The following USP38 variants were observed in gnomAD, a reference collection of about 807,000 sequenced individuals.
USP38 encodes ubiquitin specific peptidase 38, also known as ubiquitin carboxyl-terminal hydrolase 38.
In USP38, 49 loss-of-function variants were observed where a neutral mutation model predicts 94.3. That is an observed-to-expected ratio of 0.52 (90% CI 0.41 to 0.66). The LOEUF is 0.66. USP38 is among the 30% of genes least tolerant of loss of function. The probability of loss-of-function intolerance (pLI) is 0.00; values close to 1 mark genes in which losing one functional copy is unlikely to be tolerated. For missense variants in USP38, 1,128 were observed against 1,229.4 expected, an observed-to-expected ratio of 0.92 and a Z score of 1.23; for synonymous variants, 468 against 463.6, an observed-to-expected ratio of 1.01 and a Z score of -0.12.
rs1679111078 is a variant in USP38, at chr4:143,220,584, G to C, written c.*128G>C. ...CTTATACTTCAAGAGAACACACTCA[G>C]TGCTTGTTTTTATTTTCTTGACACA... On this transcript the variant is annotated 3_prime_UTR_variant, in exon 10 of 10. Coordinates refer to ENST00000307017, the MANE Select transcript of USP38 (RefSeq NM_032557.6). 2 of 924,820 alleles carry C rather than the reference G, an allele frequency of 2.2e-6. No individual in the cohort carries two copies. Among genetic ancestry groups the C allele is most frequent in the South Asian group, 5.0e-5 (1 of 19,942 alleles). The allele number at this position is 924,820 out of a possible 1,614,324, so 57.3% of individuals were successfully genotyped here. A position where few individuals can be genotyped will look rare whatever the true frequency, so the allele number is the denominator to read the frequency against.
At chr4:143,216,282 T>C (rs939536816) in intron 9 of USP38, among the ~76,000 whole-genome samples, 8 of 152,164 alleles carry the variant, frequency 5.3e-5, no homozygotes, top group African/African-American at 1.9e-4. Flanking sequence ...TTATGTATTT[T>C]GTTAATTCAG....
At chr4:143,193,115 A>G (rs1297389976) in intron 2 of USP38, among the ~76,000 whole-genome samples, 1 of 152,180 alleles carries the variant, frequency 6.6e-6, no homozygotes, top group Non-Finnish European at 1.5e-5. Flanking sequence ...GTGCTCACAC[A>G]TACCCTGCCT....
At chr4:143,218,657 G>A (rs1206712183) in intron 9 of USP38, among the ~76,000 whole-genome samples, 4 of 151,962 alleles carry the variant, frequency 2.6e-5, no homozygotes, top group Non-Finnish European at 5.9e-5. Flanking sequence ...TATGTCATTC[G>A]ACATAGTTTC....
intron 9 of USP38, among the ~76,000 whole-genome samples, chr4:143,219,368 T>G (rs1226118909): frequency 2.0e-5 from 3 of 152,098 alleles, no homozygotes; most frequent in Non-Finnish European, 4.4e-5. Context: ...GAGGGAAGAA[T>G]AATAAACTAA....
intron 7 of USP38, among the ~76,000 whole-genome samples, chr4:143,210,454 G>T (rs1218730558): frequency 6.6e-6 from 1 of 152,058 alleles, no homozygotes; most frequent in Non-Finnish European, 1.5e-5. Flanking sequence ...AGGCATGGTG[G>T]CACACGCCTG....
At position 143,185,170 on chromosome 4, in the gene USP38, G is replaced by T. The variant is rs1731171900; in HGVS notation, c.-281G>T. ...GGCCCCTCGGCGCTGATGCTGAGTGGGATCGAGGGCCCGGGGCGGCGGCGG... is the reference window on the plus strand; with the variant it reads ...GGCCCCTCGGCGCTGATGCTGAGTGTGATCGAGGGCCCGGGGCGGCGGCGG... On this transcript the variant is annotated 5_prime_UTR_variant, in exon 1 of 10. Coordinates refer to ENST00000307017, the MANE Select transcript of USP38 (RefSeq NM_032557.6). 1 of 334,028 alleles carries T rather than the reference G, an allele frequency of 3.0e-6. No individual in the cohort carries two copies. Among genetic ancestry groups the T allele is most frequent in the East Asian group, 5.8e-5 (1 of 17,160 alleles). The allele number at this position is 334,028 out of a possible 1,614,324, so 20.7% of individuals were successfully genotyped here. A position where few individuals can be genotyped will look rare whatever the true frequency, so the allele number is the denominator to read the frequency against.
intron 2 of USP38, among the ~76,000 whole-genome samples, chr4:143,191,087 C>G (rs906388645): frequency 2.0e-5 from 3 of 152,080 alleles, no homozygotes; most frequent in Admixed American, 6.5e-5. Context: ...AGTAATTACT[C>G]TTATACAGAA....
At chr4:143,204,314 A>G (rs959246769) in intron 5 of USP38, 10 of 437,988 alleles carry the variant, frequency 2.3e-5, no homozygotes, top group Admixed American at 1.3e-4. Context: ...TGGACTGTTC[A>G]TCAATGTTTC....
At position 143,214,003 on chromosome 4, in the gene USP38, A is replaced by G; in HGVS notation, c.2027A>G (p.Lys676Arg). Reference sequence around the variant, plus strand: ...ATCTGTGACTCACTTGTGAATGAAAAAACCATAGGCAGTCCTCCTAATGAG... The same window carrying G: ...ATCTGTGACTCACTTGTGAATGAAAGAACCATAGGCAGTCCTCCTAATGAG... ...AFICDSLVNE[K>R]TIGSPPNEFY... Residue 676 changes from lysine (K) to arginine (R), a missense_variant, in exon 9 of 10, where the codon AAA (lysine) becomes AGA (arginine). Physicochemically the swap from Lys to Arg is conservative, Grantham distance 26. Transcript: ENST00000307017. 6.2e-7 allele frequency: 1 copy of G among 1,613,596 alleles called. No homozygotes were observed. The highest frequency in any genetic ancestry group is 8.5e-7 in the Non-Finnish European group (1 of 1,179,834).
Position 143,214,039 on chromosome 4 carries a change from C to T in USP38, c.2063C>T (p.Ser688Phe), listed in dbSNP as rs1176416570. Residue 688 changes from serine (S) to phenylalanine (F), a missense_variant, in exon 9 of 10, where the codon TCT becomes TTT. Ser to Phe is a radical substitution (Grantham distance 155). Transcript: ENST00000307017. ...AGTCCTCCTAATGAGTTTTACTGTT[C>T]TGAAAACACTTCTGTCCCTAACGAA... ...IGSPPNEFYC[S>F]ENTSVPNESN... The T allele has an allele frequency of 6.2e-7, 1 of 1,613,574 alleles. No individual in the cohort carries two copies. Among genetic ancestry groups the T allele is most frequent in the Non-Finnish European group, 8.5e-7 (1 of 1,179,824 alleles).
Position 143,220,812 on chromosome 4 carries a change from TTATA to T in USP38, c.*357_*360del, listed in dbSNP as rs765418552. The T allele has an allele frequency of 5.3e-4, 84 of 158,608 alleles. 1 individual carries two copies. Among genetic ancestry groups the T allele is most frequent in the Middle Eastern group, 6.2e-3 (2 of 322 alleles). The allele number at this position is 158,608 out of a possible 1,614,324, so 9.8% of individuals were successfully genotyped here. Reference sequence around the variant, plus strand: ...AAAAATGTAATTTATTTAGCATTCTTTATAAAAGAATTGATGCTAGAGGTAAAAA... The same window carrying T: ...AAAAATGTAATTTATTTAGCATTCTTAAAGAATTGATGCTAGAGGTAAAAA... On this transcript the variant is annotated 3_prime_UTR_variant, in exon 10 of 10. Coordinates refer to ENST00000307017, the MANE Select transcript of USP38 (RefSeq NM_032557.6).
chr4:143,202,139 C>T (rs535412389), intron 4 of USP38, among the ~76,000 whole-genome samples: 2 of 152,096 alleles, frequency 1.3e-5, no homozygotes, highest in African/African-American at 2.4e-5. Flanking sequence ...TGGCTTTATG[C>T]GACAGAAGTA....
intron 4 of USP38, among the ~76,000 whole-genome samples, chr4:143,201,755 C>G (rs1347399463): frequency 2.6e-5 from 4 of 152,094 alleles, no homozygotes; most frequent in Non-Finnish European, 1.5e-5. Context: ...AAAATCAAAG[C>G]TTCTAATTAA....
At chr4:143,186,698 A>T (rs1269381587) in intron 1 of USP38, among the ~76,000 whole-genome samples, 1 of 152,200 alleles carries the variant, frequency 6.6e-6, no homozygotes, top group East Asian at 1.9e-4. Context: ...AAGGAAGAGT[A>T]CGAGGATTTA....
chr4:143,214,849 A>G lies in USP38; in HGVS notation c.2873A>G (p.Asn958Ser), dbSNP rs761673565. The stretch of plus-strand genomic sequence containing the variant: ...CATAGTACTAATGGTTTAAGTGGTA[A>G]TAACCCAACCAGTGGACTCTGGATA... ...KQHSTNGLSG[N>S]NPTSGLWING... The change falls in exon 9 of 10, where the codon AAT (asparagine) becomes AGT (serine). Residue 958 changes from asparagine to serine, a missense_variant. By Grantham distance (46) the Asn-to-Ser change is conservative (BLOSUM62 1). Transcript: ENST00000307017. 6.2e-6 allele frequency: 10 copies of G among 1,613,552 alleles called. No individual in the cohort carries two copies. The highest frequency in any genetic ancestry group is 2.2e-5 in the East Asian group (1 of 44,860).
At chr4:143,205,188 C>T (rs747148530) in intron 5 of USP38, among the ~76,000 whole-genome samples, 4 of 152,096 alleles carry the variant, frequency 2.6e-5, no homozygotes, top group Non-Finnish European at 4.4e-5. Context: ...CTCATATAGG[C>T]TCAGAAGAAA....
In USP38 at chr4:143,196,034, G is replaced by A. The variant is rs1043022378; in HGVS notation, c.948+189G>A. On this transcript the variant is annotated intron_variant, in intron 3 of 9. Coordinates refer to ENST00000307017, the MANE Select transcript of USP38 (RefSeq NM_032557.6). ...AAATATAAGTAATTAGGTTGGGCAT[G>A]GTTGCTCACAACTGTAATCCCAGCA... Among the ~76,000 whole-genome samples, 10 of 152,066 alleles carry A rather than the reference G, an allele frequency of 6.6e-5. 1 individual carries two copies. Among genetic ancestry groups the A allele is most frequent in the Admixed American group, 5.2e-4 (8 of 15,270 alleles).
At chr4:143,217,958 C>A (rs1396299628) in intron 9 of USP38, among the ~76,000 whole-genome samples, 1 of 152,048 alleles carries the variant, frequency 6.6e-6, no homozygotes, top group Non-Finnish European at 1.5e-5. Flanking sequence ...TTAGGAGTAT[C>A]TCCATTGTTT....
At chr4:143,218,135 G>A (rs753649322) in intron 9 of USP38, among the ~76,000 whole-genome samples, 21 of 151,992 alleles carry the variant, frequency 1.4e-4, no homozygotes, top group Admixed American at 1.4e-3. Context: ...CTTTGGAGGA[G>A]GCAGTAGTTC....
Sources: allele counts gnomAD v4.1 joint callset (sites outside exome capture counted in the v4.1 genomes callset), GRCh38; gene constraint gnomAD v4.1.1; transcripts MANE v1.5; gene names NCBI Gene and HGNC (gene_info 2026-07-23, HGNC 2026-07-21).